The following SLIT3 variants were observed in gnomAD, a reference collection of about 807,000 sequenced individuals.
The protein encoded by SLIT3 is slit guidance ligand 3.
A neutral mutation model predicts 184.0 loss-of-function variants in SLIT3; 68 were observed. The ratio of observed to expected loss-of-function variants is 0.37; its 90% CI spans 0.30 to 0.45. The LOEUF is 0.45. Among genes scored for constraint, SLIT3 ranks in the 20% least tolerant of loss-of-function variants. The pLI is 1.00. For missense variants in SLIT3, 1,707 were observed against 2,026.0 expected (o/e 0.84, Z 3.02); for synonymous variants, 831 against 828.6 (o/e 1.00, Z -0.05).
In SLIT3 at chr5:168,711,010, C is replaced by T. The variant is rs1371614347; in HGVS notation, c.2604G>A (p.Leu868=). 1.3e-6 allele frequency: 2 copies of T among 1,582,542 alleles called. No individual in the cohort carries two copies. Among genetic ancestry groups the T allele is most frequent in the Non-Finnish European group, 1.7e-6 (2 of 1,163,472 alleles). Residue 868 remains leucine, a synonymous_variant, in exon 25 of 36, where the codon CTG becomes CTA. Coordinates refer to ENST00000519560, the MANE Select transcript of SLIT3 (RefSeq NM_003062.4). ...TGTACCCCGCCTTCACCCACTCCGA[C>T]AGCCACCGAAGACTGCAGTCACAGT... is the stretch of plus-strand genomic sequence containing the variant. The part of the protein sequence containing the change: ...PLHCDCSLRW[L]SEWVKAGYKE...
intron 4 of SLIT3, among the ~76,000 whole-genome samples, chr5:169,018,104 G>A (rs1465600725): frequency 3.9e-5 from 6 of 152,180 alleles, no homozygotes; most frequent in Non-Finnish European, 5.9e-5. Context: ...TACTGTCTGC[G>A]TCAGAATCAC....
rs566515832 is a variant in SLIT3 at position 168,853,102 on chromosome 5, A to T, written c.486-8447T>A. ...CTATCTCTTTGTCCCTTCTTCTTCC[A>T]TCCCAGACCAAAGAATCTATTATTT... On this transcript the variant is annotated intron_variant, in intron 5 of 35. Coordinates refer to ENST00000519560, the MANE Select transcript of SLIT3 (RefSeq NM_003062.4). Among the ~76,000 whole-genome samples the T allele has an allele frequency of 2.6e-5, 4 of 152,294 alleles. No homozygotes were observed. In the South Asian group the frequency reaches 8.3e-4, roughly 32 times the overall value.
At chr5:168,987,484 T>C (rs1755170499) in intron 4 of SLIT3, among the ~76,000 whole-genome samples, 1 of 152,246 alleles carries the variant, frequency 6.6e-6, no homozygotes, top group African/African-American at 2.4e-5. Flanking sequence ...ACTTAACCTC[T>C]GAGTGTCAGT....
chr5:169,030,909 A>G (rs924057484), intron 4 of SLIT3, among the ~76,000 whole-genome samples: 5 of 152,112 alleles, frequency 3.3e-5, no homozygotes, highest in Non-Finnish European at 7.4e-5. Flanking sequence ...TATCTATTAG[A>G]TATGTGGTTT....
At chr5:168,779,741 A>G (rs570427434) in intron 12 of SLIT3, among the ~76,000 whole-genome samples, 5 of 152,246 alleles carry the variant, frequency 3.3e-5, no homozygotes, top group Admixed American at 6.5e-5. Flanking sequence ...TCGTGACTCA[A>G]GTCTTTCTGC....
chr5:168,803,255 CGAT>C (rs1230131627), intron 9 of SLIT3, among the ~76,000 whole-genome samples: 4 of 152,156 alleles, frequency 2.6e-5, no homozygotes, highest in Non-Finnish European at 5.9e-5. Flanking sequence ...TTTTTAAAAA[CGAT>C]GATAACAAAA....
chr5:168,960,505 T>C (rs1413707996), intron 4 of SLIT3, among the ~76,000 whole-genome samples: 2 of 152,224 alleles, frequency 1.3e-5, no homozygotes, highest in African/African-American at 4.8e-5. Flanking sequence ...TAGTAAATTG[T>C]TTAAGATCAC....
Position 169,024,195 on chromosome 5 carries a change from A to G in SLIT3, c.414-140859T>C, listed in dbSNP as rs1013773484. 5 of 152,306 alleles carry G rather than the reference A, an allele frequency of 3.3e-5. No homozygotes were observed. In the South Asian group the frequency reaches 8.3e-4, roughly 25 times the overall value. The allele number at this position is 152,306 out of a possible 1,614,324, so 9.4% of individuals were successfully genotyped here. A position where few individuals can be genotyped will look rare whatever the true frequency, so the allele number is the denominator to read the frequency against. On this transcript the variant is annotated intron_variant, in intron 4 of 35. Transcript: ENST00000519560. ...GTGAACACAGTACCGGAACTCAGCA[A>G]TGTGGAGACTGCAAGATGGCCAGTC...
At chr5:168,980,009 T>A (rs1043630005) in intron 4 of SLIT3, among the ~76,000 whole-genome samples, 5 of 152,016 alleles carry the variant, frequency 3.3e-5, no homozygotes, top group African/African-American at 1.2e-4. Context: ...CCTCAGCTCC[T>A]GGGATTTCAG....
chr5:169,029,654 T>G (rs1183261629), intron 4 of SLIT3, among the ~76,000 whole-genome samples: 2 of 152,244 alleles, frequency 1.3e-5, no homozygotes, highest in Non-Finnish European at 2.9e-5. Flanking sequence ...ACTTACATCT[T>G]CCTGTGTTTT....
intron 4 of SLIT3, among the ~76,000 whole-genome samples, chr5:169,127,811 AT>A (rs34782070): frequency 0.012 from 1,853 of 152,336 alleles, 18 homozygotes; most frequent in Non-Finnish European, 0.018. Flanking sequence ...AAATTAGGAA[AT>A]TTAGCATCAT....
At chr5:168,747,235 T>C (rs1754504013) in intron 20 of SLIT3, among the ~76,000 whole-genome samples, 2 of 152,210 alleles carry the variant, frequency 1.3e-5, no homozygotes, top group African/African-American at 2.4e-5. Context: ...TCTGTCACAC[T>C]TCTCACTTTG....
At position 169,187,111 on chromosome 5, in the gene SLIT3, G is replaced by GTTTTTTTTTTT. The variant is rs761501769; in HGVS notation, c.413+6357_413+6367dup. 5.4e-3 allele frequency among the ~76,000 whole-genome samples: 510 copies of GTTTTTTTTTTT among 94,414 alleles called. 36 individuals are homozygous for GTTTTTTTTTTT. Among genetic ancestry groups the GTTTTTTTTTTT allele is most frequent in the Non-Finnish European group, 7.6e-3 (388 of 51,358 alleles). 61.9% of individuals were successfully genotyped at this position (94,414 alleles called of 152,430 possible). On this transcript the variant is annotated intron_variant, in intron 4 of 35. Transcript: ENST00000519560. ...AGTACAACTGCTTATGCAGCTATAG[G>GTTTTTTTTTTT]TTTTTTTTTTTTTTTTTTTTTGAGA...
chr5:169,293,227 T>C (rs1767408539), intron 1 of SLIT3, among the ~76,000 whole-genome samples: 1 of 152,066 alleles, frequency 6.6e-6, no homozygotes, highest in South Asian at 2.1e-4. Flanking sequence ...CAACAATCAA[T>C]GAGAGATAAG....
chr5:168,941,507 C>A (rs1441266553), intron 4 of SLIT3, among the ~76,000 whole-genome samples: 1 of 152,148 alleles, frequency 6.6e-6, no homozygotes, highest in African/African-American at 2.4e-5. Flanking sequence ...GGACCTATAG[C>A]TGATATTATT....
At chr5:168,708,942 A>T (rs1285965953) in intron 25 of SLIT3, among the ~76,000 whole-genome samples, 1 of 152,102 alleles carries the variant, frequency 6.6e-6, no homozygotes, top group Non-Finnish European at 1.5e-5. Context: ...GCTCAACCCG[A>T]CTTCACATTA....
chr5:169,204,092 G>C (rs1300983781), intron 3 of SLIT3, among the ~76,000 whole-genome samples: 1 of 152,042 alleles, frequency 6.6e-6, no homozygotes, highest in Admixed American at 6.6e-5. Context: ...TGGGCTACAC[G>C]AGCCAGAGAG....
At chr5:168,963,659 A>C (rs1310076999) in intron 4 of SLIT3, among the ~76,000 whole-genome samples, 2 of 152,176 alleles carry the variant, frequency 1.3e-5, no homozygotes, top group Non-Finnish European at 2.9e-5. Context: ...CTTGTCTAGC[A>C]GTGTGTTAGG....
At chr5:168,927,222 T>C (rs1359390100) in intron 4 of SLIT3, among the ~76,000 whole-genome samples, 2 of 152,172 alleles carry the variant, frequency 1.3e-5, no homozygotes, top group African/African-American at 4.8e-5. Flanking sequence ...TGCTAAAACA[T>C]GGGTAGAACC....
Sources: gnomAD v4.1 joint callset for allele counts (sites outside exome capture counted in the v4.1 genomes callset) on GRCh38, gnomAD v4.1.1 for gene constraint, MANE v1.5 for transcripts, NCBI Gene and HGNC (gene_info 2026-07-23, HGNC 2026-07-21) for gene names.